Variants in MYBPC3 observed in about 807,000 individuals in gnomAD.
The protein encoded by MYBPC3 is myosin-binding protein C, cardiac-type.
MYBPC3 carries 108 observed loss-of-function variants against 159.3 expected under a neutral mutation model. The ratio of observed to expected loss-of-function variants is 0.68; its 90% CI spans 0.58 to 0.80. MYBPC3 has a LOEUF of 0.80. MYBPC3 is among the 30% of genes least tolerant of loss of function. The pLI is 0.00. For synonymous variants in MYBPC3, 730 were observed against 702.0 expected, an observed-to-expected ratio of 1.04 and a Z score of -0.63; for missense variants, 1,631 against 1,762.1, an observed-to-expected ratio of 0.93 and a Z score of 1.33.
At chr11:47,345,847 G>T (rs2095893570) in intron 12 of MYBPC3, among the ~76,000 whole-genome samples, 1 of 152,182 alleles carries the variant, frequency 6.6e-6, no homozygotes, top group African/African-American at 2.4e-5. Flanking sequence ...TCAGAAGAGG[G>T]TAGAGAAAGA....
intron 5 of MYBPC3, among the ~76,000 whole-genome samples, 151 bp downstream of exon 5, chr11:47,349,622 CT>C (rs1397627841): frequency 2.6e-5 from 4 of 152,230 alleles, no homozygotes; most frequent in Non-Finnish European, 5.9e-5. Flanking sequence ...CTGTGGGCCC[CT>C]GGCCCCTCCA....
chr11:47,342,215 C>T (rs2095889425), intron 17 of MYBPC3, 59 bp from the exon 18 acceptor site: 1 of 1,578,006 alleles, frequency 6.3e-7, no homozygotes, highest in Non-Finnish European at 8.6e-7. Context: ...GCGTGAATCC[C>T]TGTGGAGGGC....
At chr11:47,347,953 C>T (rs374987964) in intron 6 of MYBPC3, 48 bp from the exon 7 acceptor site, 57 of 1,534,444 alleles carry the variant, frequency 3.7e-5, no homozygotes, top group African/African-American at 1.4e-4. Flanking sequence ...CAGAGGGGGC[C>T]GTTTGAGAAG....
intron 5 of MYBPC3, 37 bp from the exon 6 acceptor site, chr11:47,348,578 AG>A: frequency 6.6e-7 from 1 of 1,525,664 alleles, no homozygotes; most frequent in Non-Finnish European, 9.0e-7. Context: ...AGGGGACACC[AG>A]GGGCCGGGAG....
chr11:47,345,408 G>A (rs2095893124), intron 12 of MYBPC3, among the ~76,000 whole-genome samples: 1 of 152,154 alleles, frequency 6.6e-6, no homozygotes. Flanking sequence ...CAGCAGGGAG[G>A]GACTAACCAG....
rs765583270 is a variant in MYBPC3 at position 47,337,509 on chromosome 11, C to T, written c.2484G>A (p.Glu828=). ...WMRLNFDLIQ[E]LSHEARRMIE... ...TCATGCGCCGCGCTTCATGACTCAG[C>T]TCCTGAATCAGGTCGAAGTTCAGCC... Residue 828 remains glutamate (E), a synonymous_variant, in exon 25 of 35, where the codon GAG becomes GAA. Coordinates refer to ENST00000545968, the MANE Select transcript of MYBPC3 (RefSeq NM_000256.3). 92 of 1,613,928 alleles carry T rather than the reference C, an allele frequency of 5.7e-5. No individual in the cohort carries two copies. Among genetic ancestry groups the T allele is most frequent in the Non-Finnish European group, 7.7e-5 (91 of 1,179,914 alleles).
rs773901664 is a variant in MYBPC3 at position 47,347,954 on chromosome 11, G to A, written c.773-49C>T. 27 of 1,527,840 alleles carry A rather than the reference G, an allele frequency of 1.8e-5. No homozygotes were observed. The South Asian group carries it at 1.9e-4, about 11-fold the overall frequency. The allele number at this position is 1,527,840 out of a possible 1,614,324, so 94.6% of individuals were successfully genotyped here. ...GGGGGAAGGGGCTTCAGAGGGGGCC[G>A]TTTGAGAAGCCCTGCCCTGGGGGCG... On this transcript the variant is annotated intron_variant, in intron 6 of 34. Coordinates refer to ENST00000545968, the MANE Select transcript of MYBPC3 (RefSeq NM_000256.3).
intron 5 of MYBPC3, among the ~76,000 whole-genome samples, chr11:47,349,280 G>C (rs577488376): frequency 7.1e-4 from 108 of 152,096 alleles, no homozygotes; most frequent in Non-Finnish European, 1.4e-3. Flanking sequence ...CTAGGCCTAT[G>C]TCTAAGTGAC....
intron 3 of MYBPC3, 39 bp from the exon 4 acceptor site, chr11:47,350,151 T>A: frequency 6.5e-7 from 1 of 1,534,504 alleles, no homozygotes; most frequent in Non-Finnish European, 8.8e-7. Flanking sequence ...TGAGATGGAG[T>A]CTTGCTCTGT....
At chr11:47,337,892 T>A (rs534711185) in intron 23 of MYBPC3, 98 bp from the exon 24 acceptor site, 2 of 918,946 alleles carry the variant, frequency 2.2e-6, no homozygotes, top group Non-Finnish European at 3.3e-6. Flanking sequence ...CGCCACAGGC[T>A]GCCCCCACCA....
At chr11:47,335,463 G>C (rs2095881343) in intron 26 of MYBPC3, 3 of 333,876 alleles carry the variant, frequency 9.0e-6, no homozygotes, top group African/African-American at 2.1e-5. Flanking sequence ...GCGTAGCTGG[G>C]ATCACAGGTG....
At position 47,351,392 on chromosome 11, in the gene MYBPC3, T is replaced by G. The variant is rs1267396024; in HGVS notation, c.139A>C (p.Ser47Arg). ...TACTTGTTGCTGGCGCTGATGTCACTGCCTCCGCGCTGCCAGCGCACCTTC... is the reference window on the plus strand; with the variant it reads ...TACTTGTTGCTGGCGCTGATGTCACGGCCTCCGCGCTGCCAGCGCACCTTC... ...GVKVRWQRGG[S>R]DISASNKYGL... The change falls in exon 2 of 35, where the codon AGT (serine) becomes CGT (arginine). Residue 47 changes from serine to arginine, a missense_variant. Ser to Arg is a moderately radical substitution (Grantham distance 110, BLOSUM62 -1). Coordinates refer to ENST00000545968, the MANE Select transcript of MYBPC3 (RefSeq NM_000256.3). This position sits in a 1 kb window ranked among gnomAD's most constrained non-coding sequence, Gnocchi z 4.2. 1.2e-6 allele frequency: 2 copies of G among 1,609,778 alleles called. No individual in the cohort carries two copies. The highest frequency in any genetic ancestry group is 2.2e-5 in the South Asian group (2 of 90,394).
Position 47,351,553 on chromosome 11 carries a change from C to A in MYBPC3, c.26-48G>T, listed in dbSNP as rs751066251. 6.6e-7 allele frequency: 1 copy of A among 1,518,570 alleles called. No homozygotes were observed. Among genetic ancestry groups the A allele is most frequent in the Non-Finnish European group, 8.9e-7 (1 of 1,129,502 alleles). The allele number at this position is 1,518,570 out of a possible 1,614,324, so 94.1% of individuals were successfully genotyped here. On this transcript the variant is annotated intron_variant, in intron 1 of 34. Transcript: ENST00000545968. The surrounding 1 kb of genome is among the most constrained non-coding windows in gnomAD (Gnocchi z 4.2). The stretch of plus-strand genomic sequence containing the variant: ...CAGCGGCCCCTGGTTGGAGCGTGCA[C>A]CCCGCCCCTGCAGCCCCTCTCAGTA...
chr11:47,341,900 T>C, intron 18 of MYBPC3, 91 bp downstream of exon 18: 1 of 1,491,364 alleles, frequency 6.7e-7, no homozygotes, highest in Non-Finnish European at 9.1e-7. Flanking sequence ...TGTCCACCTG[T>C]CTTTATCTCT....
At position 47,333,184 on chromosome 11, in the gene MYBPC3, C is replaced by T; in HGVS notation, c.3330+10G>A. ...AGGGTGCACGTGGGGACCCCAGACC[C>T]TGGGCTCACCATGGTCTTCTTGTCG... On this transcript the variant is annotated intron_variant, in intron 30 of 34. Coordinates refer to ENST00000545968, the MANE Select transcript of MYBPC3 (RefSeq NM_000256.3). The T allele has an allele frequency of 6.2e-7, 1 of 1,601,134 alleles. No individual in the cohort carries two copies. Among genetic ancestry groups the T allele is most frequent in the Non-Finnish European group, 8.5e-7 (1 of 1,173,882 alleles).
intron 13 of MYBPC3, 29 bp from the exon 14 acceptor site, chr11:47,343,291 T>C (rs2095891009): frequency 6.5e-7 from 1 of 1,541,276 alleles, no homozygotes; most frequent in Non-Finnish European, 8.7e-7. Flanking sequence ...CGTTGAAGTG[T>C]TCCCGACGGG....
rs2095887059 is a variant in MYBPC3, at chr11:47,340,225, ACG to A, written c.1928-437_1928-436del. 2.9e-5 allele frequency among the ~76,000 whole-genome samples: 4 copies of A among 138,688 alleles called. No homozygotes were observed. The East Asian group carries it at 1.2e-3, about 41-fold the overall frequency. 91.0% of individuals were successfully genotyped at this position (138,688 alleles called of 152,430 possible). ...CACAGACACAAATACACATACATAC[ACG>A]CACACACACAGACACAGACACACAT... On this transcript the variant is annotated intron_variant, in intron 20 of 34. Transcript: ENST00000545968.
At position 47,337,528 on chromosome 11, in the gene MYBPC3, T is replaced by C. The variant is rs1471202212; in HGVS notation, c.2465A>G (p.Asn822Ser). 6.2e-7 allele frequency: 1 copy of C among 1,613,992 alleles called. No homozygotes were observed. The highest frequency in any genetic ancestry group is 1.1e-5 in the South Asian group (1 of 91,082). Residue 822 changes from asparagine (N) to serine (S), a missense_variant, in exon 25 of 35, where the codon AAC becomes AGC. Transcript: ENST00000545968. ...KKKSYRWMRLNFDLIQELSHE... is the reference protein window; with the variant it reads ...KKKSYRWMRLSFDLIQELSHE... ...ACTCAGCTCCTGAATCAGGTCGAAG[T>C]TCAGCCGCATCCACCGGTAGCTCTT...
chr11:47,348,926 A>ATATATATATATATATATATATATATATT (rs1189066410), intron 5 of MYBPC3, among the ~76,000 whole-genome samples: 3 of 131,320 alleles, frequency 2.3e-5, no homozygotes, highest in African/African-American at 8.2e-5. Flanking sequence ...ATATATATAT[A>ATATATATATATATATATATATATATATT]TTTAAAGGAG....
Sources: gnomAD v4.1 joint callset for allele counts (sites outside exome capture counted in the v4.1 genomes callset) on GRCh38, gnomAD v4.1.1 for gene constraint, Gnocchi (gnomAD v3.1) non-coding constraint, MANE v1.5 for transcripts, NCBI Gene and HGNC (gene_info 2026-07-23, HGNC 2026-07-21) for gene names.